Variants in TMEM182 observed in about 807,000 individuals in gnomAD.
TMEM182 encodes transmembrane protein 182.
TMEM182 carries 20 observed loss-of-function variants against 26.8 expected under a neutral mutation model. The observed-to-expected ratio is 0.75, with a 90% CI of 0.53 to 1.09. The LOEUF is 1.09. Among genes scored for constraint, TMEM182 ranks in the 50% least tolerant of loss-of-function variants. The pLI is 0.00. For missense variants in TMEM182, 277 were observed against 275.5 expected (o/e 1.01, Z -0.04); for synonymous variants, 109 against 102.2 (o/e 1.07, Z -0.40).
intron 3 of TMEM182, among the ~76,000 whole-genome samples, chr2:102,768,139 A>G (rs1558760797): frequency 6.6e-6 from 1 of 152,164 alleles, no homozygotes; most frequent in African/African-American, 2.4e-5. Flanking sequence ...AATTCATAGC[A>G]CAGTTTTAAA....
At position 102,744,969 on chromosome 2, in the gene TMEM182, C is replaced by T. The variant is rs186297279; in HGVS notation, c.-83+7956C>T. 2.3e-3 allele frequency among the ~76,000 whole-genome samples: 348 copies of T among 152,216 alleles called. 2 individuals carry two copies. The highest frequency in any genetic ancestry group is 2.9e-3 in the East Asian group (15 of 5,176). Reference sequence around the variant, plus strand: ...TGTCTATCTATAATTCGGGAGTATTCTCAGCCATTGTATCTTCAAATATTT... The same window carrying T: ...TGTCTATCTATAATTCGGGAGTATTTTCAGCCATTGTATCTTCAAATATTT... On this transcript the variant is annotated intron_variant, in intron 1 of 5. Transcript: ENST00000409173.
chr2:102,812,959 G>C (rs1449633859), intron 4 of TMEM182, among the ~76,000 whole-genome samples: 1 of 152,180 alleles, frequency 6.6e-6, no homozygotes, highest in Non-Finnish European at 1.5e-5. Context: ...CCATATTGTT[G>C]TCAAAATCTG....
At chr2:102,803,934 T>C (rs1682248988) in intron 4 of TMEM182, among the ~76,000 whole-genome samples, 1 of 151,842 alleles carries the variant, frequency 6.6e-6, no homozygotes, top group Non-Finnish European at 1.5e-5. Context: ...AGCTCTGCCG[T>C]CTACACCTGC....
intron 4 of TMEM182, among the ~76,000 whole-genome samples, chr2:102,802,118 C>G (rs1368153543): frequency 1.3e-5 from 2 of 152,200 alleles, no homozygotes; most frequent in Non-Finnish European, 2.9e-5. Context: ...ATGCCACAAA[C>G]AGAATTGGAC....
intron 3 of TMEM182, among the ~76,000 whole-genome samples, chr2:102,827,647 C>A (rs1326886034): frequency 6.6e-6 from 1 of 152,198 alleles, no homozygotes; most frequent in Non-Finnish European, 1.5e-5. Context: ...GCCTAAGCAG[C>A]CTATGACAAG....
rs1249054889 is a variant in TMEM182, at chr2:102,772,084, A to G, written c.331+7657A>G. 4.6e-5 allele frequency among the ~76,000 whole-genome samples: 7 copies of G among 152,320 alleles called. No homozygotes were observed. The South Asian group carries it at 1.4e-3, about 32-fold the overall frequency. ...GCTCCAGGTCTGGGCCCAAACACAC[A>G]CAAGAATAGCTTCCTTCCACTGCCT... On this transcript the variant is annotated intron_variant, in intron 3 of 4. Transcript: ENST00000412401.
At chr2:102,780,436 G>A (rs1344574209) in intron 3 of TMEM182, among the ~76,000 whole-genome samples, 1 of 152,028 alleles carries the variant, frequency 6.6e-6, no homozygotes, top group African/African-American at 2.4e-5. Context: ...AGTCTCGCTG[G>A]GCAAGACCTC....
chr2:102,781,771 T>C (rs748981561), intron 3 of TMEM182, among the ~76,000 whole-genome samples: 4 of 152,174 alleles, frequency 2.6e-5, no homozygotes, highest in African/African-American at 4.8e-5. Flanking sequence ...CAGAGCAATG[T>C]AGAAAAACAT....
intron 3 of TMEM182, among the ~76,000 whole-genome samples, chr2:102,784,135 T>C (rs1681287090): frequency 6.6e-6 from 1 of 152,182 alleles, no homozygotes; most frequent in African/African-American, 2.4e-5. Flanking sequence ...CTCTGTATCT[T>C]TATTTTCTTC....
At chr2:102,829,199 G>A (rs1235766733) in intron 3 of TMEM182, among the ~76,000 whole-genome samples, 3 of 152,126 alleles carry the variant, frequency 2.0e-5, no homozygotes, top group Non-Finnish European at 2.9e-5. Flanking sequence ...CATGTATTTC[G>A]ACAGTGATGG....
intron 1 of TMEM182, among the ~76,000 whole-genome samples, chr2:102,756,926 C>T (rs985607299): frequency 3.3e-5 from 5 of 152,174 alleles, no homozygotes; most frequent in Middle Eastern, 3.4e-3. Flanking sequence ...CAATTCTCTG[C>T]CTCAGCCTCC....
At position 102,816,550 on chromosome 2, in the gene TMEM182, G is replaced by A. The variant is rs1013122486; in HGVS notation, c.*1582G>A. The stretch of plus-strand genomic sequence containing the variant: ...TAATAATAATAATAATAATAATAAA[G>A]CTCCAGAGGCCTAACTGGTTTCTCA... On this transcript the variant is annotated 3_prime_UTR_variant, in exon 5 of 5. Transcript: ENST00000412401. The A allele has an allele frequency of 1.2e-6, 1 of 815,666 alleles. No individual in the cohort carries two copies. Among genetic ancestry groups the A allele is most frequent in the African/African-American group, 2.2e-5 (1 of 45,660 alleles). The allele number at this position is 815,666 out of a possible 1,614,324, so 50.5% of individuals were successfully genotyped here.
rs548582964 is a variant in TMEM182 at position 102,798,455 on chromosome 2, G to A, written c.469+455G>A. On this transcript the variant is annotated intron_variant, in intron 4 of 4. Transcript: ENST00000412401. ...GCATTTTCTGAGCTCTTCAAAGATAGCCCTGTGATGATATTTATGATAAGC... is the reference window on the plus strand; with the variant it reads ...GCATTTTCTGAGCTCTTCAAAGATAACCCTGTGATGATATTTATGATAAGC... Among the ~76,000 whole-genome samples the A allele has an allele frequency of 3.9e-5, 6 of 152,286 alleles. No individual in the cohort carries two copies. In the East Asian group the frequency reaches 1.2e-3, roughly 29 times the overall value.
At chr2:102,776,703 G>A (rs1281101803) in intron 3 of TMEM182, among the ~76,000 whole-genome samples, 8 of 152,136 alleles carry the variant, frequency 5.3e-5, no homozygotes, top group Non-Finnish European at 1.2e-4. Flanking sequence ...ATCGTATGGT[G>A]AGAGCATGCT....
chr2:102,782,525 A>G (rs1019033165), intron 3 of TMEM182, among the ~76,000 whole-genome samples: 3 of 152,154 alleles, frequency 2.0e-5, no homozygotes, highest in South Asian at 2.1e-4. Context: ...TACTTTTTAT[A>G]TATTGCCCCC....
chr2:102,837,550 G>A (rs377518658), intron 3 of TMEM182, among the ~76,000 whole-genome samples: 4 of 68,904 alleles, frequency 5.8e-5, no homozygotes, highest in Admixed American at 2.9e-4. Flanking sequence ...GGTTCGGGGG[G>A]TTCAGGGGGT....
At chr2:102,798,036 G>A (rs1236749522) in intron 4 of TMEM182, 36 bp downstream of exon 4, 12 of 1,570,862 alleles carry the variant, frequency 7.6e-6, no homozygotes, top group African/African-American at 2.8e-5. Flanking sequence ...TTTCAGCCAC[G>A]GTTTTTCTTC....
intron 1 of TMEM182, among the ~76,000 whole-genome samples, chr2:102,741,101 C>T (rs1223328767): frequency 3.3e-5 from 5 of 152,048 alleles, no homozygotes; most frequent in African/African-American, 1.2e-4. Flanking sequence ...AACTGAAAAC[C>T]AACAACTTTT....
intron 3 of TMEM182, among the ~76,000 whole-genome samples, chr2:102,790,574 A>G (rs752700202): frequency 3.3e-5 from 5 of 152,146 alleles, no homozygotes; most frequent in Non-Finnish European, 5.9e-5. Context: ...TCATACAGAC[A>G]CACACACATG....
Sources: allele counts gnomAD v4.1 joint callset (sites outside exome capture counted in the v4.1 genomes callset), GRCh38; gene constraint gnomAD v4.1.1; transcripts MANE v1.5; gene names NCBI Gene and HGNC (gene_info 2026-07-23, HGNC 2026-07-21).